The following EXT1 variants were observed in gnomAD, a reference collection of about 807,000 sequenced individuals.
EXT1 encodes exostosin glycosyltransferase 1, also known as exostosin-1.
Under a neutral mutation model 82.5 loss-of-function variants are expected in EXT1, and 20 were observed. The observed-to-expected ratio is 0.24, with a 90% CI of 0.17 to 0.35. The LOEUF (loss-of-function observed/expected upper bound fraction) is 0.35. Ranked by LOEUF, EXT1 falls within the 10% of genes least tolerant of loss-of-function variation. The probability of loss-of-function intolerance (pLI) is 1.00; values close to 1 mark genes in which losing one functional copy is unlikely to be tolerated. For missense variants in EXT1, 757 were observed against 936.5 expected (o/e 0.81, Z 2.50); for synonymous variants, 348 against 350.8 (o/e 0.99, Z 0.09).
intron 1 of EXT1, among the ~76,000 whole-genome samples, chr8:118,039,557 CAAAAAAAAA>C (rs71307422): frequency 6.1e-4 from 50 of 82,110 alleles, no homozygotes; most frequent in East Asian, 8.7e-4. Context: ...GACTCCGTCA[CAAAAAAAAA>C]AAAAAAAAAA....
At chr8:117,899,900 A>G (rs990923104) in intron 1 of EXT1, among the ~76,000 whole-genome samples, 5 of 152,178 alleles carry the variant, frequency 3.3e-5, no homozygotes, top group African/African-American at 1.2e-4. Flanking sequence ...ATAAGAGTGG[A>G]TCTAAACTCA....
chr8:118,089,412 T>C (rs946170436), intron 1 of EXT1, among the ~76,000 whole-genome samples: 5 of 152,226 alleles, frequency 3.3e-5, no homozygotes, highest in African/African-American at 1.2e-4. Context: ...TGGAGTGACA[T>C]GGAATCGTGT....
chr8:118,061,275 C>A (rs960731919), intron 1 of EXT1, among the ~76,000 whole-genome samples: 2 of 152,116 alleles, frequency 1.3e-5, no homozygotes, highest in African/African-American at 2.4e-5. Flanking sequence ...ACAGCTCATG[C>A]AAAATTAAAA....
intron 1 of EXT1, among the ~76,000 whole-genome samples, chr8:117,973,981 G>GGAAGGAAT (rs1815015766): frequency 6.7e-6 from 1 of 150,040 alleles, no homozygotes; most frequent in Non-Finnish European, 1.5e-5. Flanking sequence ...AAGGAAGGAA[G>GGAAGGAAT]GAAGGAAATA....
chr8:118,090,801 A>AAAAAAAAAAAAAAAAAAAAC (rs1817510070), intron 1 of EXT1, among the ~76,000 whole-genome samples: 1 of 147,630 alleles, frequency 6.8e-6, no homozygotes, highest in Non-Finnish European at 1.5e-5. Context: ...AAAAAAAAAA[A>AAAAAAAAAAAAAAAAAAAAC]AAAAAAAAGC....
At chr8:117,997,972 C>T (rs913018560) in intron 1 of EXT1, among the ~76,000 whole-genome samples, 1 of 151,922 alleles carries the variant, frequency 6.6e-6, no homozygotes, top group African/African-American at 2.4e-5. Flanking sequence ...AGAGGAAACC[C>T]ACTGCCATTC....
At chr8:117,905,995 G>A (rs1035240128) in intron 1 of EXT1, among the ~76,000 whole-genome samples, 1 of 152,098 alleles carries the variant, frequency 6.6e-6, no homozygotes, top group Non-Finnish European at 1.5e-5. Context: ...ACAGGCTGTG[G>A]TACTGAGATT....
rs547158656 is a variant in EXT1 at position 117,855,002 on chromosome 8, C to T, written c.963-17801G>A. On this transcript the variant is annotated intron_variant, in intron 1 of 10. Transcript: ENST00000378204. ...TGCAATGAGTAATTCAAATAATGAA[C>T]TACTAAACCTTAAAATGCAGAACTT... Among the ~76,000 whole-genome samples, 16 of 152,278 alleles carry T rather than the reference C, an allele frequency of 1.1e-4. No homozygotes were observed. The South Asian group carries it at 3.1e-3, about 30-fold the overall frequency.
intron 1 of EXT1, among the ~76,000 whole-genome samples, chr8:117,842,889 T>G (rs1812295177): frequency 6.6e-6 from 1 of 152,200 alleles, no homozygotes; most frequent in Non-Finnish European, 1.5e-5. Context: ...GAACCTGCTT[T>G]TTGCTAACCA....
At chr8:117,814,780 G>A (rs1246974791) in intron 7 of EXT1, among the ~76,000 whole-genome samples, 3 of 152,160 alleles carry the variant, frequency 2.0e-5, no homozygotes, top group Non-Finnish European at 4.4e-5. Context: ...CAAAGGGAAA[G>A]AGGAAAAGGG....
chr8:118,031,557 G>A (rs1816319748), intron 1 of EXT1, among the ~76,000 whole-genome samples: 1 of 151,618 alleles, frequency 6.6e-6, no homozygotes, highest in African/African-American at 2.4e-5. Flanking sequence ...TTTTTTCAAG[G>A]GAAAAATCTT....
chr8:118,094,805 C>A (rs968862090), intron 1 of EXT1, among the ~76,000 whole-genome samples: 1 of 152,184 alleles, frequency 6.6e-6, no homozygotes, highest in Admixed American at 6.5e-5. Flanking sequence ...TGTTCCATTT[C>A]GGATTCGGTC....
intron 1 of EXT1, among the ~76,000 whole-genome samples, chr8:117,945,199 A>G (rs1054922410): frequency 2.6e-5 from 4 of 152,184 alleles, no homozygotes; most frequent in African/African-American, 9.6e-5. Context: ...TCTCACTTAC[A>G]GTCCCCATTT....
chr8:117,847,633 G>T (rs1471150447), intron 1 of EXT1, among the ~76,000 whole-genome samples: 2 of 152,082 alleles, frequency 1.3e-5, no homozygotes, highest in Non-Finnish European at 2.9e-5. Context: ...CCCTGCACCA[G>T]TCCAAAAAGC....
chr8:117,872,910 A>G (rs1348202670), intron 1 of EXT1, among the ~76,000 whole-genome samples: 1 of 152,110 alleles, frequency 6.6e-6, no homozygotes, highest in Non-Finnish European at 1.5e-5. Flanking sequence ...AATAGATTCT[A>G]AATTTTCTTC....
chr8:117,973,625 G>C (rs1208150785), intron 1 of EXT1, among the ~76,000 whole-genome samples: 1 of 151,676 alleles, frequency 6.6e-6, no homozygotes, highest in Non-Finnish European at 1.5e-5. Flanking sequence ...AACATTTCCT[G>C]GGCATGGTGG....
intron 1 of EXT1, among the ~76,000 whole-genome samples, chr8:118,081,822 C>T (rs999080556): frequency 3.9e-5 from 6 of 152,142 alleles, no homozygotes; most frequent in Non-Finnish European, 5.9e-5. Flanking sequence ...TACCCTGCCC[C>T]GGGGAATTAC....
chr8:117,913,566 A>C (rs574773943), intron 1 of EXT1, among the ~76,000 whole-genome samples: 1 of 152,324 alleles, frequency 6.6e-6, no homozygotes, highest in African/African-American at 2.4e-5. Context: ...AATGCCAAGG[A>C]GACGCTAACC....
intron 1 of EXT1, among the ~76,000 whole-genome samples, chr8:118,057,845 C>T (rs1345324298): frequency 1.3e-5 from 2 of 151,300 alleles, no homozygotes; most frequent in African/African-American, 4.9e-5. Context: ...CGGTGGCAGG[C>T]GCCTGTAGTC....
Sources: allele counts gnomAD v4.1 joint callset (sites outside exome capture counted in the v4.1 genomes callset), GRCh38; gene constraint gnomAD v4.1.1; transcripts MANE v1.5; gene names NCBI Gene and HGNC (gene_info 2026-07-23, HGNC 2026-07-21).